The following TTC17 variants were observed in gnomAD, a reference collection of about 807,000 sequenced individuals.
TTC17 encodes tetratricopeptide repeat protein 17.
In TTC17, 58 loss-of-function variants were observed where a neutral mutation model predicts 143.8. The observed-to-expected ratio is 0.40, with a 90% CI of 0.33 to 0.50. The LOEUF is 0.50. TTC17 is among the 20% of genes least tolerant of loss of function. The pLI, the probability that TTC17 is intolerant of heterozygous loss-of-function variation, is 0.49. For missense variants in TTC17, 1,273 were observed against 1,392.5 expected (o/e 0.91, Z 1.37); for synonymous variants, 501 against 497.8 (o/e 1.01, Z -0.09).
At chr11:43,384,116 G>A (rs1274346031) in intron 2 of TTC17, among the ~76,000 whole-genome samples, 1 of 148,928 alleles carries the variant, frequency 6.7e-6, no homozygotes, top group African/African-American at 2.5e-5. Context: ...CCGCACTCCA[G>A]CATGGGTGAC....
At chr11:43,458,292 T>A (rs1947801650) in intron 21 of TTC17, among the ~76,000 whole-genome samples, 1 of 152,146 alleles carries the variant, frequency 6.6e-6, no homozygotes. Flanking sequence ...ACATGGTCTC[T>A]TAAGTACCAT....
chr11:43,451,330 T>G (rs1475893153), intron 21 of TTC17, 65 bp downstream of exon 21: 1 of 1,473,244 alleles, frequency 6.8e-7, no homozygotes, highest in African/African-American at 1.4e-5. Context: ...CTAAGTTATT[T>G]GCTCCTAAGT....
At chr11:43,439,355 A>G (rs536129186) in intron 16 of TTC17, among the ~76,000 whole-genome samples, 2 of 152,134 alleles carry the variant, frequency 1.3e-5, no homozygotes, top group African/African-American at 2.4e-5. Flanking sequence ...GATATCTCTT[A>G]AAGTGAGGTG....
At chr11:43,489,503 CGAAGTGT>C (rs757703691) in intron 21 of TTC17, among the ~76,000 whole-genome samples, 22 of 151,962 alleles carry the variant, frequency 1.4e-4, no homozygotes, top group Non-Finnish European at 2.8e-4. Context: ...TTTGGGAGGC[CGAAGTGT>C]GCAGATCACC....
Position 43,397,938 on chromosome 11 carries a change from GTGTGT to G in TTC17, c.919-35_919-31del, listed in dbSNP as rs1857680577. The G allele has an allele frequency of 3.1e-6, 4 of 1,300,750 alleles. No individual in the cohort carries two copies. The South Asian group carries it at 4.9e-5, about 16-fold the overall frequency. The allele number at this position is 1,300,750 out of a possible 1,614,324, so 80.6% of individuals were successfully genotyped here. On this transcript the variant is annotated intron_variant, in intron 7 of 23. Transcript: ENST00000039989. ...TGTGTGTGTGTGTGTGTGTGTGTGT[GTGTGT>G]GTGTGTGTATGTTTGTTTTTGTCTC...
chr11:43,425,235 C>T (rs1946998250), intron 16 of TTC17, among the ~76,000 whole-genome samples: 1 of 152,108 alleles, frequency 6.6e-6, no homozygotes, highest in Non-Finnish European at 1.5e-5. Flanking sequence ...GGGAGGATCA[C>T]TGGAGACCAG....
chr11:43,358,995 C>T lies in TTC17; in HGVS notation c.41C>T (p.Pro14Leu), dbSNP rs1030660551. The stretch of plus-strand genomic sequence containing the variant: ...GGGGTTCGTGGCCGGTACGAGCTGC[C>T]GCCTTGCTCCGGCCCAGGCTGGCTC... The part of the protein sequence containing the change: ...AVGVRGRYEL[P>L]PCSGPGWLLS... The change falls in exon 1 of 24, where the codon CCG becomes CTG. Residue 14 changes from proline (P) to leucine (L), a missense_variant. Pro to Leu is a moderately conservative substitution (Grantham distance 98). Coordinates refer to ENST00000039989, the MANE Select transcript of TTC17 (RefSeq NM_018259.6). 3 of 1,582,250 alleles carry T rather than the reference C, an allele frequency of 1.9e-6. No homozygotes were observed. Among genetic ancestry groups the T allele is most frequent in the African/African-American group, 1.4e-5 (1 of 72,366 alleles).
At chr11:43,462,453 G>A (rs779278833) in intron 21 of TTC17, among the ~76,000 whole-genome samples, 1 of 152,192 alleles carries the variant, frequency 6.6e-6, no homozygotes, top group African/African-American at 2.4e-5. Context: ...GCAGAGTTAT[G>A]CAGCCACAAG....
chr11:43,404,116 T>G lies in TTC17; in HGVS notation c.1451T>G (p.Ile484Ser). The G allele has an allele frequency of 6.2e-7, 1 of 1,612,772 alleles. No individual in the cohort carries two copies. ...SSPVAHSILW[I>S]WGRDSDAYRD... ...CCCGTAGCCCATTCTATTCTCTGGA[T>G]TTGGGGCAGGGACTCTGATGCATAT... The change falls in exon 11 of 24, where the codon ATT becomes AGT. Residue 484 changes from isoleucine (I) to serine (S), a missense_variant. Physicochemically the swap from Ile to Ser is moderately radical, Grantham distance 142. Around this residue, in one of 3 missense-constraint regions of TTC17, gnomAD observed 878 missense variants for 899.8 expected, o/e 0.98. Coordinates refer to ENST00000039989, the MANE Select transcript of TTC17 (RefSeq NM_018259.6).
intron 22 of TTC17, 102 bp from the exon 23 acceptor site, chr11:43,491,918 A>G: frequency 6.7e-7 from 1 of 1,495,812 alleles, no homozygotes; most frequent in African/African-American, 1.4e-5. Context: ...TGTTCTAATC[A>G]TTCACCAGGA....
At chr11:43,418,584 T>C (rs1246831253) in intron 16 of TTC17, among the ~76,000 whole-genome samples, 1 of 152,126 alleles carries the variant, frequency 6.6e-6, no homozygotes, top group Non-Finnish European at 1.5e-5. Flanking sequence ...TAAAATAGAA[T>C]CTGTTAAATA....
chr11:43,436,212 A>G (rs1947289194), intron 16 of TTC17: 1 of 1,476,696 alleles, frequency 6.8e-7, no homozygotes, highest in Admixed American at 2.3e-5. Context: ...AAACAGAAAT[A>G]TTTTGACAAC....
chr11:43,398,069 C>T lies in TTC17; in HGVS notation c.1014C>T (p.Val338=), dbSNP rs1335324872. Residue 338 remains valine, a synonymous_variant, in exon 8 of 24, where the codon GTC becomes GTT. Coordinates refer to ENST00000039989, the MANE Select transcript of TTC17 (RefSeq NM_018259.6). ...FEQAIKRKHA[V]LCQQKLEQKL... ...AAGCTATAAAGAGGAAGCATGCTGT[C>T]CTATGTCAGCAAAAACTGGAGCAGA... 1.3e-5 allele frequency: 21 copies of T among 1,613,770 alleles called. No homozygotes were observed. Among genetic ancestry groups the T allele is most frequent in the Non-Finnish European group, 1.8e-5 (21 of 1,180,002 alleles).
At chr11:43,422,876 CTG>C (rs981751656) in intron 16 of TTC17, among the ~76,000 whole-genome samples, 1 of 152,046 alleles carries the variant, frequency 6.6e-6, no homozygotes, top group African/African-American at 2.4e-5. Context: ...CTGGAGGGGC[CTG>C]TGGGGTTGAA....
At chr11:43,447,276 T>C (rs1053481609) in intron 18 of TTC17, among the ~76,000 whole-genome samples, 3 of 152,200 alleles carry the variant, frequency 2.0e-5, no homozygotes, top group African/African-American at 7.2e-5. Context: ...GTTAAGGATG[T>C]AAAGCACTTA....
chr11:43,460,650 C>A (rs531795846), intron 21 of TTC17, among the ~76,000 whole-genome samples: 44 of 152,330 alleles, frequency 2.9e-4, no homozygotes, highest in African/African-American at 9.9e-4. Flanking sequence ...ATTCTACTGT[C>A]TGAACTGGAC....
chr11:43,459,934 G>A (rs1026072208), intron 21 of TTC17, among the ~76,000 whole-genome samples: 2 of 152,214 alleles, frequency 1.3e-5, no homozygotes, highest in Non-Finnish European at 2.9e-5. Context: ...AAGCTATGAT[G>A]TATGGTAGGT....
At chr11:43,359,164 G>C (rs1254096865) in intron 1 of TTC17, 51 bp downstream of exon 1, 2 of 1,507,112 alleles carry the variant, frequency 1.3e-6, no homozygotes, top group Admixed American at 2.3e-5. Context: ...GCCCCGGGGG[G>C]ATTACCCTGC....
At chr11:43,390,900 A>G (rs918421352) in intron 3 of TTC17, among the ~76,000 whole-genome samples, 1 of 152,188 alleles carries the variant, frequency 6.6e-6, no homozygotes, top group African/African-American at 2.4e-5. Flanking sequence ...ACGTTTCTAG[A>G]CAATTGAGCA....
Sources: gnomAD v4.1 joint callset for allele counts (sites outside exome capture counted in the v4.1 genomes callset) on GRCh38, gnomAD v4.1.1 for gene constraint, gnomAD v4.1.1 regional missense constraint, MANE v1.5 for transcripts, NCBI Gene and HGNC (gene_info 2026-07-23, HGNC 2026-07-21) for gene names.